The following TBC1D22A variants were observed in gnomAD, a reference collection of about 807,000 sequenced individuals.
TBC1D22A encodes the protein TBC1 domain family member 22A.
In TBC1D22A, 38 loss-of-function variants were observed where a neutral mutation model predicts 60.2. The ratio of observed to expected loss-of-function variants is 0.63; its 90% CI spans 0.49 to 0.83. The LOEUF is 0.83. Ranked by LOEUF, TBC1D22A falls within the 40% of genes least tolerant of loss-of-function variation. TBC1D22A has a pLI of 0.00. For synonymous variants in TBC1D22A, 302 were observed against 281.7 expected (o/e 1.07, Z -0.72); for missense variants, 628 against 701.0 (o/e 0.90, Z 1.18).
intron 1 of TBC1D22A, among the ~76,000 whole-genome samples, chr22:46,772,690 A>C (rs1601803284): frequency 7.6e-6 from 1 of 131,732 alleles, no homozygotes; most frequent in South Asian, 2.3e-4. Context: ...CTCTATCACC[A>C]GGCTGGAGTG....
At chr22:47,160,118 C>A (rs908325914) in intron 12 of TBC1D22A, among the ~76,000 whole-genome samples, 2 of 152,226 alleles carry the variant, frequency 1.3e-5, no homozygotes, top group Non-Finnish European at 2.9e-5. Flanking sequence ...GCCGCCCAAC[C>A]CCTTCCTTGG....
chr22:47,042,988 T>C (rs1363342046), intron 11 of TBC1D22A, among the ~76,000 whole-genome samples: 3 of 152,312 alleles, frequency 2.0e-5, no homozygotes, highest in East Asian at 3.9e-4. Context: ...CTGGGCACCT[T>C]GGGCCCCGAA....
At chr22:47,017,496 C>T (rs75104550) in intron 10 of TBC1D22A, among the ~76,000 whole-genome samples, 2,259 of 152,170 alleles carry the variant, frequency 0.015, 25 homozygotes, top group Non-Finnish European at 0.024. Context: ...AGAATGCTGG[C>T]GAGGAGGTGG....
chr22:46,923,611 C>T (rs949073321), intron 8 of TBC1D22A, among the ~76,000 whole-genome samples: 3 of 152,380 alleles, frequency 2.0e-5, no homozygotes, highest in South Asian at 2.1e-4. Context: ...GGGGCACTTG[C>T]CCGCTCAGCG....
intron 11 of TBC1D22A, among the ~76,000 whole-genome samples, chr22:47,088,729 G>A (rs929731912): frequency 2.0e-5 from 3 of 152,158 alleles, no homozygotes; most frequent in African/African-American, 4.8e-5. Flanking sequence ...TCAGAACCAC[G>A]AGAGGGAGCT....
At chr22:46,773,344 G>C (rs572431035) in intron 1 of TBC1D22A, among the ~76,000 whole-genome samples, 19 of 152,354 alleles carry the variant, frequency 1.2e-4, no homozygotes, top group African/African-American at 4.3e-4. Flanking sequence ...GAGCGTGTCT[G>C]TGTGCGGAGC....
intron 12 of TBC1D22A, among the ~76,000 whole-genome samples, chr22:47,149,678 A>G (rs1212102644): frequency 2.0e-5 from 3 of 152,234 alleles, no homozygotes; most frequent in African/African-American, 7.2e-5. Context: ...AGGTACCCGC[A>G]GTGGCGAGTC....
intron 9 of TBC1D22A, among the ~76,000 whole-genome samples, chr22:46,980,697 GAGAAA>G (rs2074481086): frequency 0.012 from 1 of 82 alleles, no homozygotes; most frequent in South Asian, 0.25. Context: ...GAACTAGAAA[GAGAAA>G]TGTACTAGAG....
chr22:46,894,096 T>C (rs996357486), intron 6 of TBC1D22A, among the ~76,000 whole-genome samples: 1 of 152,168 alleles, frequency 6.6e-6, no homozygotes, highest in Non-Finnish European at 1.5e-5. Context: ...CTCAGTCCAT[T>C]GGTGCCGTTG....
intron 10 of TBC1D22A, among the ~76,000 whole-genome samples, chr22:47,006,759 C>T (rs1157531861): frequency 4.6e-5 from 7 of 152,244 alleles, no homozygotes; most frequent in Admixed American, 6.5e-5. Flanking sequence ...CAGGCCTCTG[C>T]CTTGGCGCTT....
intron 11 of TBC1D22A, among the ~76,000 whole-genome samples, chr22:47,055,079 G>C (rs1357842525): frequency 2.0e-5 from 3 of 152,230 alleles, no homozygotes; most frequent in Admixed American, 1.3e-4. Context: ...GGTCTCGAGG[G>C]CACTGGCAGG....
chr22:47,115,924 A>C (rs1053810430), intron 12 of TBC1D22A: 1 of 152,284 alleles, frequency 6.6e-6, no homozygotes, highest in Non-Finnish European at 1.5e-5. Context: ...TTTCCTGATT[A>C]ATAAGCACGG....
intron 12 of TBC1D22A, among the ~76,000 whole-genome samples, chr22:47,132,304 C>G (rs564006301): frequency 4.6e-5 from 7 of 152,324 alleles, no homozygotes; most frequent in South Asian, 2.1e-4. Flanking sequence ...TCTTCTGGGA[C>G]TGTCACAGGA....
intron 11 of TBC1D22A, among the ~76,000 whole-genome samples, chr22:47,075,067 C>G (rs1201721203): frequency 6.6e-6 from 1 of 151,988 alleles, no homozygotes; most frequent in Non-Finnish European, 1.5e-5. Context: ...ACTAAAAATA[C>G]AAAAAATTAG....
At chr22:47,098,823 C>T (rs773222572) in intron 11 of TBC1D22A, among the ~76,000 whole-genome samples, 10 of 152,206 alleles carry the variant, frequency 6.6e-5, no homozygotes, top group East Asian at 1.9e-4. Flanking sequence ...AGCCATTAGT[C>T]GCACAGTGTC....
At chr22:46,894,417 TA>T (rs2068562765) in intron 6 of TBC1D22A, among the ~76,000 whole-genome samples, 1 of 152,236 alleles carries the variant, frequency 6.6e-6, no homozygotes, top group Admixed American at 6.5e-5. Context: ...TGAAAACTTG[TA>T]AACTATTGAT....
chr22:46,840,733 CAAA>C (rs140707678), intron 4 of TBC1D22A, among the ~76,000 whole-genome samples: 2 of 90,828 alleles, frequency 2.2e-5, no homozygotes, highest in Non-Finnish European at 4.7e-5. Flanking sequence ...ACTCTGTCTA[CAAA>C]AAAAAAAAAA....
chr22:46,901,230 T>A (rs1163881068), intron 7 of TBC1D22A, among the ~76,000 whole-genome samples: 1 of 152,236 alleles, frequency 6.6e-6, no homozygotes, highest in Non-Finnish European at 1.5e-5. Context: ...TAACATGTGA[T>A]GTGCCACGCT....
chr22:46,973,008 G>A (rs1439072408), intron 8 of TBC1D22A, among the ~76,000 whole-genome samples: 4 of 152,342 alleles, frequency 2.6e-5, no homozygotes, highest in Middle Eastern at 3.4e-3. Context: ...GGTCAGACAC[G>A]GAGGCGCTCT....
Sources: allele counts gnomAD v4.1 joint callset (sites outside exome capture counted in the v4.1 genomes callset), GRCh38; gene constraint gnomAD v4.1.1; transcripts MANE v1.5; gene names NCBI Gene and HGNC (gene_info 2026-07-23, HGNC 2026-07-21).